The following FAM163A variants were observed in gnomAD, a reference collection of about 807,000 sequenced individuals.
FAM163A encodes family with sequence similarity 163 member A.
Under a neutral mutation model 12.0 loss-of-function variants are expected in FAM163A, and 7 were observed. The ratio of observed to expected loss-of-function variants is 0.58; its 90% confidence interval spans 0.33 to 1.10. The LOEUF is 1.10. FAM163A is among the 50% of genes least tolerant of loss of function. FAM163A has a pLI of 0.03. For synonymous variants in FAM163A, 101 were observed against 91.0 expected (o/e 1.11, Z -0.62); for missense variants, 202 against 218.6 (o/e 0.92, Z 0.48).
chr1:179,813,777 A>G lies in FAM163A; in HGVS notation c.94-2A>G. On this transcript the variant is annotated splice_acceptor_variant, in intron 4 of 4. Coordinates refer to ENST00000341785, the MANE Select transcript of FAM163A (RefSeq NM_173509.3). LOFTEE classifies it high-confidence loss of function. Reference sequence around the variant, plus strand: ...CAGGCATCCCTCTGCCCTTCCGCACAGTATTACTGCTGCAAGAAGAGCGGA... The same window carrying G: ...CAGGCATCCCTCTGCCCTTCCGCACGGTATTACTGCTGCAAGAAGAGCGGA... The G allele has an allele frequency of 6.2e-7, 1 of 1,613,874 alleles. No homozygotes were observed.
In FAM163A at chr1:179,813,647, G is replaced by C. The variant is rs1467545238; in HGVS notation, c.94-132G>C. 1.0e-5 allele frequency: 10 copies of C among 1,003,546 alleles called. No homozygotes were observed. The East Asian group carries it at 2.6e-4, about 26-fold the overall frequency. The allele number at this position is 1,003,546 out of a possible 1,614,324, so 62.2% of individuals were successfully genotyped here. ...GCTGGGATTAGAAACTTGTGGAGCA[G>C]GCCCCTGGGGTTCAGTGCCTGGCAC... On this transcript the variant is annotated intron_variant, in intron 4 of 4. Transcript: ENST00000341785.
rs1320754084 is a variant in FAM163A, at chr1:179,747,637, A to T, written c.-136+4214A>T. Among the ~76,000 whole-genome samples the T allele has an allele frequency of 2.0e-5, 3 of 152,220 alleles. No individual in the cohort carries two copies. The East Asian group carries it at 5.8e-4, about 29-fold the overall frequency. ...CCCAGGCTCTTTGGTATCAAGCAGC[A>T]TGTCTTTCTGCTCTCCCTTCACTGA... On this transcript the variant is annotated intron_variant, in intron 1 of 4. Coordinates refer to ENST00000341785, the MANE Select transcript of FAM163A (RefSeq NM_173509.3).
rs1481523147 is a variant in FAM163A at position 179,743,648 on chromosome 1, C to T, written c.-136+225C>T. 2.0e-5 allele frequency among the ~76,000 whole-genome samples: 3 copies of T among 152,284 alleles called. No individual in the cohort carries two copies. The East Asian group carries it at 5.8e-4, about 29-fold the overall frequency. On this transcript the variant is annotated intron_variant, in intron 1 of 4. Coordinates refer to ENST00000341785, the MANE Select transcript of FAM163A (RefSeq NM_173509.3). The stretch of plus-strand genomic sequence containing the variant: ...TCCCCACTGGGTCTGGGTCTGCGCC[C>T]TGGCTCTCCCTCTCCGCGCCAGGGG...
chr1:179,757,308 A>C (rs1157182541), intron 1 of FAM163A, among the ~76,000 whole-genome samples: 1 of 152,180 alleles, frequency 6.6e-6, no homozygotes, highest in African/African-American at 2.4e-5. Flanking sequence ...CGTGGTCTGA[A>C]AGGAGAAGAA....
intron 1 of FAM163A, among the ~76,000 whole-genome samples, chr1:179,802,668 G>A (rs1397075237): frequency 1.3e-5 from 2 of 152,170 alleles, no homozygotes; most frequent in Non-Finnish European, 2.9e-5. Flanking sequence ...TCCCTCAGTG[G>A]CTGCCCCAGC....
intron 1 of FAM163A, among the ~76,000 whole-genome samples, chr1:179,753,925 A>G (rs932026824): frequency 6.6e-6 from 1 of 152,268 alleles, no homozygotes; most frequent in African/African-American, 2.4e-5. Flanking sequence ...ACAAAGTTGT[A>G]GATGGTACAT....
Position 179,814,146 on chromosome 1 carries a change from G to C in FAM163A, c.461G>C (p.Arg154Pro). The change falls in exon 5 of 5, where the codon CGT becomes CCT. Residue 154 changes from arginine (R) to proline (P), a missense_variant. Arg to Pro is a moderately radical substitution (Grantham distance 103). Coordinates refer to ENST00000341785, the MANE Select transcript of FAM163A (RefSeq NM_173509.3). ...CCGGTGACCTGGCCAGGCTCTGGGC[G>C]TGAGGCCTTCACCAATCCAAGGGCT... Reference protein sequence around the residue: ...SYPVTWPGSGREAFTNPRAIS... With the variant: ...SYPVTWPGSGPEAFTNPRAIS... The C allele has an allele frequency of 1.2e-6, 2 of 1,614,162 alleles. No individual in the cohort carries two copies. Among genetic ancestry groups the C allele is most frequent in the Non-Finnish European group, 1.7e-6 (2 of 1,180,032 alleles).
chr1:179,813,142 G>A lies in FAM163A; in HGVS notation c.45G>A (p.Thr15=), dbSNP rs139045946. 1.5e-5 allele frequency: 24 copies of A among 1,551,918 alleles called. No individual in the cohort carries two copies. Among genetic ancestry groups the A allele is most frequent in the African/African-American group, 4.1e-5 (3 of 73,186 alleles). The stretch of plus-strand genomic sequence containing the variant: ...TGATCACTGGCGGAATCCTAGCTAC[G>A]GTGATCCTCCTCTGCATCATTGCCG... ...TVVITGGILA[T]VILLCIIAVL... The change falls in exon 4 of 5, where the codon ACG becomes ACA. Residue 15 remains threonine (T), a synonymous_variant. Coordinates refer to ENST00000341785, the MANE Select transcript of FAM163A (RefSeq NM_173509.3).
intron 1 of FAM163A, among the ~76,000 whole-genome samples, chr1:179,767,631 C>T (rs1204870194): frequency 6.6e-6 from 1 of 152,130 alleles, no homozygotes; most frequent in African/African-American, 2.4e-5. Flanking sequence ...TCCCCCACTC[C>T]TACCTTACAG....
chr1:179,744,952 G>T (rs184936732), intron 1 of FAM163A, among the ~76,000 whole-genome samples: 429 of 152,338 alleles, frequency 2.8e-3, no homozygotes, highest in African/African-American at 9.9e-3. Flanking sequence ...GTCCTGAGGG[G>T]AAAGGCAGCT....
At chr1:179,765,522 G>A (rs775699016) in intron 1 of FAM163A, among the ~76,000 whole-genome samples, 1 of 152,162 alleles carries the variant, frequency 6.6e-6, no homozygotes, top group Non-Finnish European at 1.5e-5. Flanking sequence ...ACAGGGGTGG[G>A]AGTTGCTTAG....
intron 1 of FAM163A, among the ~76,000 whole-genome samples, chr1:179,761,750 G>A (rs1686842038): frequency 6.6e-6 from 1 of 152,222 alleles, no homozygotes; most frequent in Admixed American, 6.5e-5. Context: ...GGTCGGTGAG[G>A]TGTTAGGATA....
At chr1:179,783,789 T>TTTATTATATATATAATATAAC (rs1453474658) in intron 1 of FAM163A, among the ~76,000 whole-genome samples, 9 of 146,220 alleles carry the variant, frequency 6.2e-5, no homozygotes, top group African/African-American at 2.0e-4. Context: ...TATTATATAA[T>TTTATTATATATATAATATAAC]TTATTATATA....
In FAM163A at chr1:179,813,151, C is replaced by T. The variant is rs1323056441; in HGVS notation, c.54C>T (p.Leu18=). The change falls in exon 4 of 5, where the codon CTC becomes CTT. Residue 18 remains leucine, a synonymous_variant. Transcript: ENST00000341785. ...GCGGAATCCTAGCTACGGTGATCCT[C>T]CTCTGCATCATTGCCGTCCTGTGCT... ...ITGGILATVI[L]LCIIAVLCYC... The T allele has an allele frequency of 6.4e-7, 1 of 1,551,962 alleles. No individual in the cohort carries two copies. Among genetic ancestry groups the T allele is most frequent in the East Asian group, 2.4e-5 (1 of 40,964 alleles).
intron 1 of FAM163A, among the ~76,000 whole-genome samples, chr1:179,790,873 G>T (rs1402229622): frequency 6.6e-6 from 1 of 152,170 alleles, no homozygotes; most frequent in Non-Finnish European, 1.5e-5. Flanking sequence ...ATAAAAGAGG[G>T]AAATTCCTCC....
intron 1 of FAM163A, among the ~76,000 whole-genome samples, chr1:179,774,977 C>T (rs1324529993): frequency 6.6e-6 from 1 of 152,060 alleles, no homozygotes; most frequent in Non-Finnish European, 1.5e-5. Flanking sequence ...GGACAAAACG[C>T]ACGGCAAAGC....
chr1:179,767,415 C>T (rs1557916386), intron 1 of FAM163A, among the ~76,000 whole-genome samples: 1 of 152,112 alleles, frequency 6.6e-6, no homozygotes, highest in Admixed American at 6.5e-5. Context: ...CCACTGCCAG[C>T]TCTCAGCATT....
upstream of FAM163A, among the ~76,000 whole-genome samples, chr1:179,741,007 C>G (rs890097697): frequency 1.3e-5 from 2 of 152,120 alleles, no homozygotes; most frequent in African/African-American, 4.8e-5. Flanking sequence ...TCAAAAGATA[C>G]CATTAAATGA....
intron 1 of FAM163A, among the ~76,000 whole-genome samples, chr1:179,769,670 G>T (rs1266303831): frequency 6.6e-6 from 1 of 152,152 alleles, no homozygotes; most frequent in Non-Finnish European, 1.5e-5. Context: ...GATGTATGTA[G>T]CCCCGTGGCA....
Sources: gnomAD v4.1 joint callset for allele counts (sites outside exome capture counted in the v4.1 genomes callset) on GRCh38, gnomAD v4.1.1 for gene constraint, MANE v1.5 for transcripts, NCBI Gene and HGNC (gene_info 2026-07-23, HGNC 2026-07-21) for gene names.